The following DEUP1 variants were observed in gnomAD, a reference collection of about 807,000 sequenced individuals.
DEUP1 encodes deuterosome assembly protein 1.
DEUP1 carries 82 observed loss-of-function variants against 87.4 expected under a neutral mutation model. The observed-to-expected ratio is 0.94, with a 90% CI of 0.78 to 1.13. The LOEUF (loss-of-function observed/expected upper bound fraction) is 1.13. DEUP1 is among the 50% of genes most tolerant of loss of function. The pLI is 0.00. For synonymous variants in DEUP1, 214 were observed against 222.7 expected (o/e 0.96, Z 0.35); for missense variants, 663 against 681.5 (o/e 0.97, Z 0.30).
intron 4 of DEUP1, 37 bp from the exon 5 acceptor site, chr11:93,364,123 G>C (rs1224282796): frequency 1.4e-6 from 2 of 1,416,598 alleles, no homozygotes; most frequent in Admixed American, 2.0e-5. Flanking sequence ...GAAATAATTG[G>C]TAATAGTAAA....
In DEUP1 at chr11:93,437,748, C is replaced by CCA. The variant is rs201024452; in HGVS notation, c.*30_*31insAC. 44 of 1,065,114 alleles carry CCA rather than the reference C, an allele frequency of 4.1e-5. 1 individual carries two copies. The highest frequency in any genetic ancestry group is 1.4e-4 in the East Asian group (5 of 36,080). The allele number at this position is 1,065,114 out of a possible 1,614,324, so 66.0% of individuals were successfully genotyped here. A position where few individuals can be genotyped will look rare whatever the true frequency, so the allele number is the denominator to read the frequency against. ...TTTAAACTTTTTTATTTGCTTCCCCCCCCCACCCCCGCCAAGAAAAAAAGC... is the reference window on the plus strand; with the variant it reads ...TTTAAACTTTTTTATTTGCTTCCCCCCACCCCACCCCCGCCAAGAAAAAAAGC... On this transcript the variant is annotated 3_prime_UTR_variant, in exon 14 of 14. Transcript: ENST00000298050.
chr11:93,418,138 A>G (rs1368535652), intron 13 of DEUP1, among the ~76,000 whole-genome samples: 1 of 152,156 alleles, frequency 6.6e-6, no homozygotes, highest in East Asian at 1.9e-4. Context: ...CTTCATGTCT[A>G]AAACACCAAA....
intron 1 of DEUP1, 60 bp downstream of exon 1, chr11:93,330,832 C>A: frequency 6.6e-6 from 1 of 152,632 alleles, no homozygotes; most frequent in Non-Finnish European, 1.5e-5. Context: ...AAAGGCCAGG[C>A]TGCGCGGGTC....
chr11:93,345,333 T>A (rs1478969098), intron 2 of DEUP1, among the ~76,000 whole-genome samples: 1 of 152,224 alleles, frequency 6.6e-6, no homozygotes, highest in African/African-American at 2.4e-5. Context: ...TGTGCATGTG[T>A]CTTTATGATA....
chr11:93,366,582 T>A (rs982878354), intron 5 of DEUP1, among the ~76,000 whole-genome samples: 1 of 152,180 alleles, frequency 6.6e-6, no homozygotes, highest in Non-Finnish European at 1.5e-5. Flanking sequence ...TCCATACTAT[T>A]GGATATATTG....
chr11:93,346,355 C>G (rs538875504), intron 2 of DEUP1, among the ~76,000 whole-genome samples: 1 of 152,218 alleles, frequency 6.6e-6, no homozygotes, highest in Non-Finnish European at 1.5e-5. Context: ...TCCCCAGTAA[C>G]TGGGACTACA....
chr11:93,399,818 T>A (rs1422654329), intron 11 of DEUP1, among the ~76,000 whole-genome samples: 1 of 152,012 alleles, frequency 6.6e-6, no homozygotes, highest in South Asian at 2.1e-4. Context: ...GTAGGTTTTT[T>A]TTCTTTTTGA....
intron 2 of DEUP1, among the ~76,000 whole-genome samples, chr11:93,338,404 CT>C (rs532505177): frequency 0.16 from 21,660 of 139,424 alleles, 1,654 homozygotes; most frequent in Middle Eastern, 0.17. Context: ...ATGCAGTCAA[CT>C]TTTTTTTTTT....
At chr11:93,376,535 T>G (rs1387494485) in intron 7 of DEUP1, among the ~76,000 whole-genome samples, 1 of 152,218 alleles carries the variant, frequency 6.6e-6, no homozygotes, top group Non-Finnish European at 1.5e-5. Flanking sequence ...ATCTTGCTAA[T>G]GGTCTATTGA....
chr11:93,431,771 C>A (rs528612560), intron 13 of DEUP1, among the ~76,000 whole-genome samples: 8 of 151,922 alleles, frequency 5.3e-5, no homozygotes, highest in Non-Finnish European at 1.0e-4. Context: ...GTGTGTAGAC[C>A]AGACTTGACA....
chr11:93,436,569 C>G (rs1948254664), intron 13 of DEUP1, among the ~76,000 whole-genome samples: 1 of 152,210 alleles, frequency 6.6e-6, no homozygotes, highest in Non-Finnish European at 1.5e-5. Flanking sequence ...ACAGCAGCTA[C>G]AGTTGGGCCT....
chr11:93,428,950 G>A (rs1380655230), intron 13 of DEUP1, among the ~76,000 whole-genome samples: 12 of 152,068 alleles, frequency 7.9e-5, no homozygotes, highest in African/African-American at 2.4e-5. Flanking sequence ...CTATTGTGTG[G>A]TTTTAATTCA....
At chr11:93,401,365 ACTC>A (rs1467990024) in intron 11 of DEUP1, among the ~76,000 whole-genome samples, 3 of 152,046 alleles carry the variant, frequency 2.0e-5, no homozygotes, top group East Asian at 3.8e-4. Flanking sequence ...TGACAATACT[ACTC>A]ACAGCGATTT....
At position 93,414,993 on chromosome 11, in the gene DEUP1, CT is replaced by C; in HGVS notation, c.1524-3del. Reference sequence around the variant, plus strand: ...AGCAACAACAACAACCATTTCTTCTCTTTTAGACTTAGTCATGACTGTGAGC... The same window carrying C: ...AGCAACAACAACAACCATTTCTTCTCTTTAGACTTAGTCATGACTGTGAGC... On this transcript the variant is annotated splice_polypyrimidine_tract_variant and splice_region_variant and intron_variant, in intron 12 of 13. Coordinates refer to ENST00000298050, the MANE Select transcript of DEUP1 (RefSeq NM_181645.4). The C allele has an allele frequency of 1.3e-6, 2 of 1,496,748 alleles. No homozygotes were observed. Among genetic ancestry groups the C allele is most frequent in the Non-Finnish European group, 9.0e-7 (1 of 1,112,300 alleles). 92.7% of individuals were successfully genotyped at this position (1,496,748 alleles called of 1,614,324 possible).
At chr11:93,380,593 C>T (rs1029206261) in intron 7 of DEUP1, among the ~76,000 whole-genome samples, 10 of 151,746 alleles carry the variant, frequency 6.6e-5, no homozygotes, top group East Asian at 3.9e-4. Context: ...TTAGTAGAGA[C>T]GGGGTTTCAC....
intron 2 of DEUP1, among the ~76,000 whole-genome samples, chr11:93,340,521 T>C (rs1183084244): frequency 6.6e-6 from 1 of 152,222 alleles, no homozygotes; most frequent in Non-Finnish European, 1.5e-5. Context: ...TGGAGGACTC[T>C]GAGCAAGGGA....
At chr11:93,379,347 C>T (rs1205455687) in intron 7 of DEUP1, among the ~76,000 whole-genome samples, 1 of 152,126 alleles carries the variant, frequency 6.6e-6, no homozygotes, top group African/African-American at 2.4e-5. Context: ...TTCTCCTCCT[C>T]AGAACTTTAT....
intron 7 of DEUP1, among the ~76,000 whole-genome samples, chr11:93,379,948 G>T (rs1946221530): frequency 6.6e-6 from 1 of 152,118 alleles, no homozygotes; most frequent in Admixed American, 6.5e-5. Flanking sequence ...TATACTAAAG[G>T]TTGCAAAACA....
chr11:93,337,653 T>C (rs556460076), intron 2 of DEUP1, among the ~76,000 whole-genome samples: 1 of 152,332 alleles, frequency 6.6e-6, no homozygotes, highest in East Asian at 1.9e-4. Flanking sequence ...CATGTCAAAC[T>C]TGACGGTAGA....
Sources: gnomAD v4.1 joint callset for allele counts (sites outside exome capture counted in the v4.1 genomes callset) on GRCh38, gnomAD v4.1.1 for gene constraint, MANE v1.5 for transcripts, NCBI Gene and HGNC (gene_info 2026-07-23, HGNC 2026-07-21) for gene names.